Variants in RPL39L observed in about 807,000 individuals in gnomAD.
RPL39L encodes ribosomal protein eL39-like 2.
For synonymous variants in RPL39L, 16 were observed against 20.1 expected, an observed-to-expected ratio of 0.80 and a Z score of 0.55; for missense variants, 48 against 58.9, an observed-to-expected ratio of 0.81 and a Z score of 0.61.
intron 1 of RPL39L, among the ~76,000 whole-genome samples, chr3:187,133,752 G>C (rs1720524467): frequency 6.6e-6 from 1 of 152,058 alleles, no homozygotes; most frequent in South Asian, 2.1e-4. Flanking sequence ...GAATGAAATA[G>C]GATATTGAGA....
chr3:187,121,408 C>A, intron 2 of RPL39L, 80 bp from the exon 3 acceptor site: 1 of 1,387,560 alleles, frequency 7.2e-7, no homozygotes. Context: ...AATAACAAGA[C>A]AAGAAAGAGG....
At chr3:187,127,877 T>A (rs1241074739) in intron 2 of RPL39L, 122 bp downstream of exon 2, 2 of 152,222 alleles carry the variant, frequency 1.3e-5, no homozygotes, top group Admixed American at 1.3e-4. Context: ...ACAGCCTTCA[T>A]CCCTAATTTA....
intron 2 of RPL39L, among the ~76,000 whole-genome samples, chr3:187,126,560 T>G (rs1356831333): frequency 6.6e-6 from 1 of 152,146 alleles, no homozygotes. Context: ...GTGGCCCAGG[T>G]TATTTAGGTC....
intron 1 of RPL39L, among the ~76,000 whole-genome samples, chr3:187,136,360 C>T (rs1040765875): frequency 2.0e-5 from 3 of 152,206 alleles, no homozygotes; most frequent in African/African-American, 7.2e-5. Flanking sequence ...TGACATCTTT[C>T]TTCCTTTCTC....
chr3:187,137,659 C>A (rs1316438709), intron 1 of RPL39L, among the ~76,000 whole-genome samples: 3 of 151,968 alleles, frequency 2.0e-5, no homozygotes, highest in Non-Finnish European at 2.9e-5. Flanking sequence ...CCCGTCTTTA[C>A]TAAAAATACA....
intron 2 of RPL39L, among the ~76,000 whole-genome samples, chr3:187,126,486 T>G (rs1720401504): frequency 6.6e-6 from 1 of 152,172 alleles, no homozygotes; most frequent in African/African-American, 2.4e-5. Context: ...TTTAATGTTT[T>G]GAAAAACCAC....
rs748949260 is a variant in RPL39L, at chr3:187,121,273, T to G, written c.28A>C (p.Lys10Gln). 1 of 1,614,028 alleles carries G rather than the reference T, an allele frequency of 6.2e-7. No individual in the cohort carries two copies. The highest frequency in any genetic ancestry group is 1.1e-5 in the South Asian group (1 of 91,078). ...TTTTGTTTCTTGGCCAGGAATCGCT[T>G]AATGGTGAAAGTCTTGTGAGAAGAC... MSSHKTFTI[K>Q]RFLAKKQKQN... Residue 10 changes from lysine to glutamine, a missense_variant, in exon 3 of 3, where the codon AAG becomes CAG. Transcript: ENST00000296277.
In RPL39L at chr3:187,139,406, T is replaced by TCCGAGACGCCTCGCC. The variant is rs1274048110; in HGVS notation, c.-301_-287dup. 6.6e-6 allele frequency: 1 copy of TCCGAGACGCCTCGCC among 152,154 alleles called. No homozygotes were observed. The highest frequency in any genetic ancestry group is 1.5e-5 in the Non-Finnish European group (1 of 68,040). 9.4% of individuals were successfully genotyped at this position (152,154 alleles called of 1,614,324 possible). On this transcript the variant is annotated 5_prime_UTR_variant, in exon 1 of 3. Coordinates refer to ENST00000296277, the MANE Select transcript of RPL39L (RefSeq NM_052969.3). ...GCAGGGGCCTTGGTGTCTCTGAGAC[T>TCCGAGACGCCTCGCC]CCGAGACGCCTCGCCCCCACCTGGC...
chr3:187,126,838 G>C (rs1156864284), intron 2 of RPL39L, among the ~76,000 whole-genome samples: 1 of 152,056 alleles, frequency 6.6e-6, no homozygotes, highest in African/African-American at 2.4e-5. Context: ...TATAAGTTGG[G>C]GAGTCTGTCA....
At chr3:187,123,961 T>C (rs550839529) in intron 2 of RPL39L, among the ~76,000 whole-genome samples, 66 of 152,334 alleles carry the variant, frequency 4.3e-4, no homozygotes, top group African/African-American at 1.6e-3. Flanking sequence ...CAAAGAGATA[T>C]CTGCTATCTG....
intron 2 of RPL39L, among the ~76,000 whole-genome samples, 168 bp downstream of exon 2, chr3:187,127,831 T>C (rs1183323973): frequency 6.6e-6 from 1 of 152,240 alleles, no homozygotes; most frequent in African/African-American, 2.4e-5. Context: ...GAAAACCATA[T>C]TTAAAACACT....
intron 2 of RPL39L, among the ~76,000 whole-genome samples, chr3:187,122,387 C>CA (rs1049342389): frequency 2.7e-5 from 1 of 37,142 alleles, no homozygotes; most frequent in African/African-American, 3.5e-4. Flanking sequence ...ATGACAAAGG[C>CA]ATTTTTTTTT....
chr3:187,138,186 T>C (rs182620660), intron 1 of RPL39L, among the ~76,000 whole-genome samples: 26 of 152,140 alleles, frequency 1.7e-4, no homozygotes, highest in Non-Finnish European at 3.1e-4. Context: ...TTTGAGAAAA[T>C]TGAGAATTAA....
At position 187,137,705 on chromosome 3, in the gene RPL39L, A is replaced by ATTG. The variant is rs1720608224; in HGVS notation, c.-93+1507_-93+1508insCAA. 5.9e-5 allele frequency among the ~76,000 whole-genome samples: 9 copies of ATTG among 151,646 alleles called. No homozygotes were observed. The South Asian group carries it at 1.9e-3, about 32-fold the overall frequency. On this transcript the variant is annotated intron_variant, in intron 1 of 2. Coordinates refer to ENST00000296277, the MANE Select transcript of RPL39L (RefSeq NM_052969.3). ...GGGTGTGGTGGCAGGCACAGCTACC[A>ATTG]CAATCCCAGCTACTCGGGAGGCTGA...
rs188073603 is a variant in RPL39L, at chr3:187,137,583, C to T, written c.-93+1630G>A. ...ATCCCAGCACTTTGGGAGGCTGATG[C>T]GGGCAGATCATCTGAGGTCAGGAAT... On this transcript the variant is annotated intron_variant, in intron 1 of 2. Transcript: ENST00000296277. 1.8e-4 allele frequency among the ~76,000 whole-genome samples: 27 copies of T among 151,770 alleles called. No homozygotes were observed. The East Asian group carries it at 4.7e-3, about 26-fold the overall frequency.
chr3:187,127,550 A>T lies in RPL39L; in HGVS notation c.-29+449T>A, dbSNP rs1720419941. Among the ~76,000 whole-genome samples, 6 of 152,318 alleles carry T rather than the reference A, an allele frequency of 3.9e-5. 2 individuals are homozygous for T. In the South Asian group the frequency reaches 1.2e-3, roughly 32 times the overall value. On this transcript the variant is annotated intron_variant, in intron 2 of 2. Coordinates refer to ENST00000296277, the MANE Select transcript of RPL39L (RefSeq NM_052969.3). ...AGTTATTACACAGGTGTCATTATTA[A>T]ACTACACATTTACACTTTAGTGCCT...
At chr3:187,123,098 A>G (rs1273054618) in intron 2 of RPL39L, among the ~76,000 whole-genome samples, 1 of 152,164 alleles carries the variant, frequency 6.6e-6, no homozygotes, top group African/African-American at 2.4e-5. Context: ...CTGCCTTTCA[A>G]CCCTAATATC....
At chr3:187,136,678 TTCTGAACATTATAAG>T (rs556416644) in intron 1 of RPL39L, among the ~76,000 whole-genome samples, 186 of 152,304 alleles carry the variant, frequency 1.2e-3, no homozygotes, top group Non-Finnish European at 2.4e-3. Flanking sequence ...AAGGCAGTTT[TTCTGAACATTATAAG>T]AAGTTTCCAA....
chr3:187,132,372 T>G (rs145735263), intron 1 of RPL39L, among the ~76,000 whole-genome samples: 1 of 152,336 alleles, frequency 6.6e-6, no homozygotes, highest in African/African-American at 2.4e-5. Context: ...GATGCTCAGT[T>G]TCTGGGGGTA....
Sources: allele counts gnomAD v4.1 joint callset (sites outside exome capture counted in the v4.1 genomes callset), GRCh38; gene constraint gnomAD v4.1.1; transcripts MANE v1.5; gene names NCBI Gene and HGNC (gene_info 2026-07-23, HGNC 2026-07-21).